Variants in BTAF1 observed in about 807,000 individuals in gnomAD.
The protein encoded by BTAF1 is B-TFIID TATA-box binding protein associated factor 1, also known as TATA-binding protein-associated factor 172.
Under a neutral mutation model 227.1 loss-of-function variants are expected in BTAF1, and 38 were observed. That is an observed-to-expected ratio of 0.17 (90% CI 0.13 to 0.22). The LOEUF is 0.22. Among genes scored for constraint, BTAF1 ranks in the 10% least tolerant of loss-of-function variants. The probability of loss-of-function intolerance (pLI) is 1.00; values close to 1 mark genes in which losing one functional copy is unlikely to be tolerated. For missense variants in BTAF1, 1,598 were observed against 2,204.0 expected (o/e 0.73, Z 5.51); for synonymous variants, 742 against 751.9 (o/e 0.99, Z 0.21).
At chr10:91,981,027 G>T (rs1294531514) in intron 15 of BTAF1, among the ~76,000 whole-genome samples, 1 of 152,042 alleles carries the variant, frequency 6.6e-6, no homozygotes, top group African/African-American at 2.4e-5. Context: ...TTTATGGGGG[G>T]AAATGGCACT....
chr10:91,947,480 G>A (rs1286334081), intron 4 of BTAF1, among the ~76,000 whole-genome samples: 2 of 151,932 alleles, frequency 1.3e-5, no homozygotes, highest in African/African-American at 4.8e-5. Flanking sequence ...CTTTCTCATT[G>A]AATTGCTCTG....
rs1336102759 is a variant in BTAF1, at chr10:91,996,503, G to A, written c.3444G>A (p.Lys1148=). 1 of 1,613,962 alleles carries A rather than the reference G, an allele frequency of 6.2e-7. No homozygotes were observed. Among genetic ancestry groups the A allele is most frequent in the Admixed American group, 1.7e-5 (1 of 59,990 alleles). ...TMETMNIFLE[K]VLPWLGAIDD... is the part of the protein sequence containing the mutation. ...AAACAATGAATATTTTTTTGGAGAA[G>A]GTTCTTCCGTGGCTGGGAGCAATTG... The change falls in exon 24 of 38, where the codon AAG becomes AAA. Residue 1148 remains lysine, a synonymous_variant. Transcript: ENST00000265990.
chr10:91,965,764 CTG>C (rs1416043396), intron 13 of BTAF1, among the ~76,000 whole-genome samples: 1 of 151,868 alleles, frequency 6.6e-6, no homozygotes, highest in East Asian at 1.9e-4. Context: ...CTATGTGTAC[CTG>C]TGTTTAAGTT....
intron 5 of BTAF1, among the ~76,000 whole-genome samples, chr10:91,952,138 A>G (rs1287801624): frequency 6.7e-6 from 1 of 150,188 alleles, no homozygotes; most frequent in Non-Finnish European, 1.5e-5. Flanking sequence ...GTGTGTATAT[A>G]TGTATATGTG....
At chr10:91,975,122 C>G (rs1368086205) in intron 14 of BTAF1, among the ~76,000 whole-genome samples, 1 of 152,138 alleles carries the variant, frequency 6.6e-6, no homozygotes, top group East Asian at 1.9e-4. Context: ...CATGAATCTC[C>G]TATTTTGCCT....
intron 9 of BTAF1, 168 bp downstream of exon 9, chr10:91,959,322 A>G: frequency 1.4e-6 from 2 of 1,389,714 alleles, no homozygotes; most frequent in Non-Finnish European, 1.9e-6. Flanking sequence ...GAGTAAGATG[A>G]ATAAGAGGCT....
In BTAF1 at chr10:92,011,391, T is replaced by G. The variant is rs745667868; in HGVS notation, c.4287T>G (p.Ile1429Met). The change falls in exon 30 of 38, where the codon ATT becomes ATG. Residue 1429 changes from isoleucine to methionine, a missense_variant. Ile to Met is a conservative substitution (Grantham distance 10). Around this residue, in one of 10 missense-constraint regions of BTAF1, gnomAD observed 184 missense variants for 341.1 expected, o/e 0.54. Transcript: ENST00000265990. The stretch of plus-strand genomic sequence containing the variant: ...AACAACTGACTGCTAATTATAGGAT[T>G]ATTCTTTCTGGAACACCAATCCAGG... ...AVKQLTANYRIILSGTPIQNN... is the reference protein window; with the variant it reads ...AVKQLTANYRMILSGTPIQNN... 3 of 1,427,858 alleles carry G rather than the reference T, an allele frequency of 2.1e-6. No homozygotes were observed. The highest frequency in any genetic ancestry group is 2.8e-6 in the Non-Finnish European group (3 of 1,088,514). The allele number at this position is 1,427,858 out of a possible 1,614,324, so 88.4% of individuals were successfully genotyped here.
In BTAF1 at chr10:91,984,326, A is replaced by G. The variant is rs755982174; in HGVS notation, c.2349A>G (p.Ser783=). The change falls in exon 19 of 38, where the codon TCA becomes TCG. Residue 783 remains serine (S), a synonymous_variant. Coordinates refer to ENST00000265990, the MANE Select transcript of BTAF1 (RefSeq NM_003972.3). ...AGAATGAATGTAAACAACTTATATC[A>G]TCATTAGCTGATGTACATATTGAAG... The part of the protein sequence containing the change: ...RMQNECKQLI[S]SLADVHIEVG... The G allele has an allele frequency of 9.3e-6, 15 of 1,613,592 alleles. No homozygotes were observed. The East Asian group carries it at 2.9e-4, about 31-fold the overall frequency.
In BTAF1 at chr10:91,931,130, A is replaced by G. The variant is rs1417214261; in HGVS notation, c.15-4527A>G. Among the ~76,000 whole-genome samples, 3 of 152,224 alleles carry G rather than the reference A, an allele frequency of 2.0e-5. No individual in the cohort carries two copies. The East Asian group carries it at 5.8e-4, about 29-fold the overall frequency. On this transcript the variant is annotated intron_variant, in intron 1 of 37. Transcript: ENST00000265990. ...TACTGTTATGAATTAACATAATGCAAACATCTGGAGAGGAGAGGGGTTAGA... is the reference window on the plus strand; with the variant it reads ...TACTGTTATGAATTAACATAATGCAGACATCTGGAGAGGAGAGGGGTTAGA...
chr10:91,948,596 G>T (rs529277450), intron 4 of BTAF1, among the ~76,000 whole-genome samples: 8 of 150,408 alleles, frequency 5.3e-5, no homozygotes, highest in African/African-American at 1.7e-4. Context: ...TACCCAGGCT[G>T]GTCCCAAATT....
chr10:91,991,790 T>G (rs1449120001), intron 20 of BTAF1, among the ~76,000 whole-genome samples: 1 of 6,688 alleles, frequency 1.5e-4, no homozygotes, highest in Non-Finnish European at 4.1e-4. Flanking sequence ...TGTGTGTGTG[T>G]GTGTGTGTAT....
chr10:92,021,673 C>T (rs1851136309), intron 34 of BTAF1, among the ~76,000 whole-genome samples: 1 of 152,020 alleles, frequency 6.6e-6, no homozygotes, highest in East Asian at 1.9e-4. Flanking sequence ...TCCCAAGTAG[C>T]TGGGACTGTA....
intron 37 of BTAF1, among the ~76,000 whole-genome samples, 187 bp downstream of exon 37, chr10:92,027,487 T>G (rs1254275985): frequency 1.3e-5 from 2 of 151,900 alleles, no homozygotes; most frequent in Non-Finnish European, 2.9e-5. Context: ...TTGATTTTTT[T>G]TTTTCATTGA....
chr10:91,950,003 A>G (rs1845637447), intron 4 of BTAF1, among the ~76,000 whole-genome samples: 2 of 151,996 alleles, frequency 1.3e-5, no homozygotes, highest in African/African-American at 4.8e-5. Flanking sequence ...TTAGCCAGGA[A>G]TGGTGACACA....
chr10:91,994,735 T>C, intron 23 of BTAF1, 91 bp downstream of exon 23: 1 of 1,050,848 alleles, frequency 9.5e-7, no homozygotes, highest in East Asian at 2.5e-5. Flanking sequence ...AGCTTTGATG[T>C]CATCCTTATT....
At chr10:91,943,008 C>T (rs913134661) in intron 4 of BTAF1, among the ~76,000 whole-genome samples, 3 of 151,984 alleles carry the variant, frequency 2.0e-5, no homozygotes, top group African/African-American at 4.8e-5. Context: ...TGGTGTCCAA[C>T]GCAAAAACTA....
At chr10:91,978,725 T>A (rs575640301) in intron 14 of BTAF1, among the ~76,000 whole-genome samples, 1 of 152,062 alleles carries the variant, frequency 6.6e-6, no homozygotes, top group African/African-American at 2.4e-5. Context: ...TGGACATTTC[T>A]ATCCAATGAA....
intron 4 of BTAF1, among the ~76,000 whole-genome samples, chr10:91,948,034 GT>G (rs1385454124): frequency 3.3e-5 from 5 of 151,704 alleles, no homozygotes; most frequent in Non-Finnish European, 7.4e-5. Flanking sequence ...TATACTTTAA[GT>G]TCTAGGGTAC....
chr10:91,963,404 G>T (rs2133908491), intron 12 of BTAF1, among the ~76,000 whole-genome samples: 1 of 149,754 alleles, frequency 6.7e-6, no homozygotes, highest in Admixed American at 6.7e-5. Flanking sequence ...GGACGACAGA[G>T]CGAGACTCCG....
Sources: gnomAD v4.1 joint callset for allele counts (sites outside exome capture counted in the v4.1 genomes callset) on GRCh38, gnomAD v4.1.1 for gene constraint, gnomAD v4.1.1 regional missense constraint, MANE v1.5 for transcripts, NCBI Gene and HGNC (gene_info 2026-07-23, HGNC 2026-07-21) for gene names.